The following CDH13 variants were observed in gnomAD, a reference collection of about 807,000 sequenced individuals.
CDH13 encodes cadherin 13.
Under a neutral mutation model 63.8 loss-of-function variants are expected in CDH13, and 24 were observed. The ratio of observed to expected loss-of-function variants is 0.38; its 90% CI spans 0.27 to 0.53. The LOEUF is 0.53. CDH13 is among the 20% of genes least tolerant of loss of function. The pLI is 0.85. For synonymous variants in CDH13, 503 were observed against 355.3 expected (o/e 1.42, Z -4.67); for missense variants, 1,049 against 903.1 (o/e 1.16, Z -2.07).
intron 6 of CDH13, among the ~76,000 whole-genome samples, chr16:83,448,980 A>G (rs915307649): frequency 3.9e-5 from 6 of 152,198 alleles, no homozygotes; most frequent in Admixed American, 6.5e-5. Flanking sequence ...TGAAGCAACA[A>G]TATGCTCCTA....
chr16:83,031,831 G>A (rs1227878396), intron 2 of CDH13, among the ~76,000 whole-genome samples, 179 bp from the exon 3 acceptor site: 1 of 152,188 alleles, frequency 6.6e-6, no homozygotes. Flanking sequence ...TTGATTGAGT[G>A]AAGTCCATCA....
chr16:82,934,733 G>T (rs1272813204), intron 2 of CDH13, among the ~76,000 whole-genome samples: 1 of 152,138 alleles, frequency 6.6e-6, no homozygotes, highest in Admixed American at 6.5e-5. Flanking sequence ...CTAGGGCAAG[G>T]GCAAGGGCAA....
intron 1 of CDH13, among the ~76,000 whole-genome samples, chr16:82,845,150 T>C (rs1463435062): frequency 6.6e-6 from 1 of 152,074 alleles, no homozygotes; most frequent in African/African-American, 2.4e-5. Context: ...AACCAATATA[T>C]TAAGGAATCC....
intron 7 of CDH13, among the ~76,000 whole-genome samples, chr16:83,529,000 G>C (rs777326113): frequency 6.6e-6 from 1 of 152,026 alleles, no homozygotes; most frequent in African/African-American, 2.4e-5. Context: ...CTGAAATATA[G>C]TGGATTCAGT....
chr16:83,336,841 C>G (rs1272570308), intron 5 of CDH13, among the ~76,000 whole-genome samples: 2 of 152,178 alleles, frequency 1.3e-5, no homozygotes, highest in Admixed American at 6.5e-5. Context: ...TGGGTCATCT[C>G]ATATTACAAA....
At chr16:83,202,411 G>T (rs972587330) in intron 4 of CDH13, among the ~76,000 whole-genome samples, 3 of 152,094 alleles carry the variant, frequency 2.0e-5, no homozygotes, top group Admixed American at 2.0e-4. Context: ...GAAATCAATG[G>T]GGTGGGGGGC....
chr16:83,519,486 T>A (rs2074778874), intron 7 of CDH13, among the ~76,000 whole-genome samples: 1 of 152,250 alleles, frequency 6.6e-6, no homozygotes, highest in Non-Finnish European at 1.5e-5. Context: ...ATTCCTTATT[T>A]GAGGGTATTT....
chr16:82,772,394 G>A (rs998415515), intron 1 of CDH13, among the ~76,000 whole-genome samples: 1 of 152,122 alleles, frequency 6.6e-6, no homozygotes, highest in Admixed American at 6.6e-5. Flanking sequence ...CAGCACTCAT[G>A]TATACCAGCT....
chr16:83,408,272 T>A (rs957695502), intron 6 of CDH13, among the ~76,000 whole-genome samples: 15 of 152,150 alleles, frequency 9.9e-5, no homozygotes, highest in African/African-American at 3.6e-4. Context: ...TGCACACACA[T>A]ACACATATTC....
chr16:83,208,014 CT>C (rs2039232298), intron 4 of CDH13, among the ~76,000 whole-genome samples: 1 of 152,118 alleles, frequency 6.6e-6, no homozygotes, highest in African/African-American at 2.4e-5. Flanking sequence ...TTTTATTTTT[CT>C]TCCCAAGTGC....
chr16:83,270,861 C>G (rs765889618), intron 5 of CDH13, among the ~76,000 whole-genome samples: 9 of 151,868 alleles, frequency 5.9e-5, no homozygotes, highest in Non-Finnish European at 1.3e-4. Flanking sequence ...CTTCCTCACT[C>G]TCTTCTTTCC....
chr16:83,136,010 G>C (rs1395169142), intron 4 of CDH13, among the ~76,000 whole-genome samples: 3 of 152,044 alleles, frequency 2.0e-5, no homozygotes, highest in Non-Finnish European at 4.4e-5. Context: ...ACGGACTTTG[G>C]GGACTGGGAG....
At chr16:83,024,648 G>A (rs1915636903) in intron 2 of CDH13, among the ~76,000 whole-genome samples, 1 of 152,154 alleles carries the variant, frequency 6.6e-6, no homozygotes, top group Non-Finnish European at 1.5e-5. Context: ...ATGTGAAGAA[G>A]ACGACATGAA....
intron 10 of CDH13, among the ~76,000 whole-genome samples, chr16:83,684,636 A>G (rs1175552125): frequency 1.3e-5 from 2 of 152,234 alleles, no homozygotes; most frequent in Non-Finnish European, 2.9e-5. Flanking sequence ...CCCAGGATCT[A>G]TAGTAAACAA....
intron 10 of CDH13, chr16:83,735,312 A>T (rs544797659): frequency 6.6e-6 from 1 of 151,970 alleles, no homozygotes; most frequent in Non-Finnish European, 1.5e-5. Context: ...CAGTCAAATC[A>T]CTCTTTCGAA....
intron 10 of CDH13, among the ~76,000 whole-genome samples, chr16:83,693,425 G>A (rs146777354): frequency 4.2e-4 from 64 of 152,308 alleles, no homozygotes; most frequent in Middle Eastern, 6.8e-3. Flanking sequence ...ACTGATAGGG[G>A]TGTTTTTCTA....
chr16:82,639,586 C>G (rs1457088566), intron 1 of CDH13: 5 of 668,300 alleles, frequency 7.5e-6, no homozygotes, highest in Non-Finnish European at 1.3e-5. Context: ...TTTCCCCAAA[C>G]AAAAAGAAAA....
At chr16:83,123,222 G>T (rs557669196) in intron 3 of CDH13, among the ~76,000 whole-genome samples, 1 of 151,256 alleles carries the variant, frequency 6.6e-6, no homozygotes, top group Non-Finnish European at 1.5e-5. Context: ...TTATATATAC[G>T]TATAGATATA....
chr16:83,428,814 T>C (rs1192185493), intron 6 of CDH13, among the ~76,000 whole-genome samples: 1 of 152,262 alleles, frequency 6.6e-6, no homozygotes, highest in Non-Finnish European at 1.5e-5. Flanking sequence ...TTCTGTTGTT[T>C]TCTTGTGAAG....
Sources: gnomAD v4.1 joint callset for allele counts (sites outside exome capture counted in the v4.1 genomes callset) on GRCh38, gnomAD v4.1.1 for gene constraint, MANE v1.5 for transcripts, NCBI Gene and HGNC (gene_info 2026-07-23, HGNC 2026-07-21) for gene names.